Variants in PYHIN1 observed in about 807,000 individuals in gnomAD.
The protein encoded by PYHIN1 is pyrin and HIN domain family member 1, also known as pyrin and HIN domain-containing protein 1.
PYHIN1 carries 32 observed loss-of-function variants against 43.7 expected under a neutral mutation model. That is an observed-to-expected ratio of 0.73 (90% CI 0.55 to 0.98). The LOEUF (loss-of-function observed/expected upper bound fraction) is 0.98, where lower values mean the gene tolerates loss of function less well. PYHIN1 is among the 50% of genes least tolerant of loss of function. The pLI, the probability that PYHIN1 is intolerant of heterozygous loss-of-function variation, is 0.00. For synonymous variants in PYHIN1, 205 were observed against 203.1 expected, an observed-to-expected ratio of 1.01 and a Z score of -0.08; for missense variants, 588 against 589.5, an observed-to-expected ratio of 1.00 and a Z score of 0.03.
chr1:158,931,853 G>A (rs943574733), intron 1 of PYHIN1, 77 bp downstream of exon 1: 2 of 152,142 alleles, frequency 1.3e-5, no homozygotes, highest in Non-Finnish European at 2.9e-5. Flanking sequence ...GGGAAAAATC[G>A]ATATTGGTTC....
intron 7 of PYHIN1, among the ~76,000 whole-genome samples, chr1:158,950,279 C>A (rs976633650): frequency 6.6e-6 from 1 of 152,188 alleles, no homozygotes; most frequent in Non-Finnish European, 1.5e-5. Flanking sequence ...AGCAAATTAT[C>A]TGGAGTGAAT....
chr1:158,986,570 G>C, the PYHIN1 span, among the ~76,000 whole-genome samples: 7 of 152,322 alleles, frequency 4.6e-5, no homozygotes, highest in African/African-American at 1.4e-4. Context: ...TTGTGGGTCA[G>C]TGCTGCCAAG....
At chr1:158,977,338 A>C (rs567273857), downstream of PYHIN1, among the ~76,000 whole-genome samples, 1 of 152,206 alleles carries the variant, frequency 6.6e-6, no homozygotes, top group South Asian at 2.1e-4. Context: ...GGACTCCTGG[A>C]GGGGGAATAA....
downstream of PYHIN1, among the ~76,000 whole-genome samples, chr1:158,978,011 G>T (rs950290723): frequency 6.6e-6 from 1 of 152,138 alleles, no homozygotes; most frequent in Non-Finnish European, 1.5e-5. Context: ...ACTCATCAGA[G>T]AACTGTGGTG....
intron 8 of PYHIN1, among the ~76,000 whole-genome samples, chr1:158,974,703 T>C (rs1339593994): frequency 6.6e-6 from 1 of 151,852 alleles, no homozygotes; most frequent in Non-Finnish European, 1.5e-5. Flanking sequence ...CGTTTTTTGG[T>C]TTGTTTATGT....
chr1:158,968,132 G>A (rs1433316998), intron 7 of PYHIN1, among the ~76,000 whole-genome samples: 2 of 151,052 alleles, frequency 1.3e-5, no homozygotes, highest in African/African-American at 4.9e-5. Context: ...CACAGCAAAA[G>A]AAATTACCAA....
In PYHIN1 at chr1:158,938,542, G is replaced by A. The variant is rs1227673232; in HGVS notation, c.411G>A (p.Gln137=). The A allele has an allele frequency of 6.2e-7, 1 of 1,613,860 alleles. No homozygotes were observed. The highest frequency in any genetic ancestry group is 8.5e-7 in the Non-Finnish European group (1 of 1,179,882). Residue 137 remains glutamine (Q), a splice_region_variant and synonymous_variant, in exon 3 of 9, where the codon CAG becomes CAA. Coordinates refer to ENST00000368140, the MANE Select transcript of PYHIN1 (RefSeq NM_152501.5). ...GAGCAGAGGAGACTCTTGGACCTCA[G>A]GTAAGCTTCAGGAAGAGGAGCAGGC... ...AKGAEETLGP[Q]KRKKPSEEET... is the part of the protein sequence containing the mutation.
chr1:158,938,932 T>C (rs1648727429), intron 3 of PYHIN1, 148 bp from the exon 4 acceptor site: 4 of 536,224 alleles, frequency 7.5e-6, no homozygotes, highest in Non-Finnish European at 1.2e-5. Flanking sequence ...AAACCATCTA[T>C]GCCATGTTCT....
chr1:158,932,940 CAGTGTA>C (rs1648253894), intron 1 of PYHIN1, among the ~76,000 whole-genome samples: 1 of 152,058 alleles, frequency 6.6e-6, no homozygotes, highest in African/African-American at 2.4e-5. Context: ...TGCAATATCT[CAGTGTA>C]CTTGACTAGA....
rs142851890 is a variant in PYHIN1 at position 158,942,264 on chromosome 1, A to G, written c.867A>G (p.Val289=). The part of the protein sequence containing the change: ...SLLEVNEASS[V]SEAGPDQTFE... ...TAGAGGTGAATGAAGCCTCTTCTGT[A>G]TCTGAAGCTGGTCCTGACCAAACGT... The change falls in exon 5 of 9, where the codon GTA becomes GTG. Residue 289 remains valine, a synonymous_variant. Coordinates refer to ENST00000368140, the MANE Select transcript of PYHIN1 (RefSeq NM_152501.5). 6.2e-7 allele frequency: 1 copy of G among 1,614,132 alleles called. No homozygotes were observed. The highest frequency in any genetic ancestry group is 1.3e-5 in the African/African-American group (1 of 75,070).
chr1:158,948,300 G>A (rs1435230225), intron 7 of PYHIN1, among the ~76,000 whole-genome samples: 1 of 152,190 alleles, frequency 6.6e-6, no homozygotes, highest in South Asian at 2.1e-4. Context: ...TGTTTGTTGG[G>A]TGTGTGGATC....
chr1:158,935,320 G>A (rs916724237), intron 1 of PYHIN1, among the ~76,000 whole-genome samples: 6 of 150,228 alleles, frequency 4.0e-5, no homozygotes, highest in African/African-American at 9.8e-5. Context: ...AAAGAATGCA[G>A]ATTATTCAAA....
At chr1:158,951,492 A>T (rs72704930) in intron 7 of PYHIN1, among the ~76,000 whole-genome samples, 11,272 of 152,118 alleles carry the variant, frequency 0.074, 732 homozygotes, top group Admixed American at 0.22. Context: ...GTTTCCAAGG[A>T]CAATATCAGA....
chr1:158,970,318 A>G (rs1307554508), intron 7 of PYHIN1, among the ~76,000 whole-genome samples: 1 of 152,022 alleles, frequency 6.6e-6, no homozygotes, highest in African/African-American at 2.4e-5. Context: ...AGGGGGTACA[A>G]GTGCAGATTT....
intron 7 of PYHIN1, among the ~76,000 whole-genome samples, chr1:158,966,211 T>C (rs1167021586): frequency 1.3e-5 from 2 of 151,920 alleles, no homozygotes; most frequent in East Asian, 3.9e-4. Flanking sequence ...CAATAACAAG[T>C]TCTGAAATTG....
At chr1:158,978,377 G>GA (rs1193544449), downstream of PYHIN1, among the ~76,000 whole-genome samples, 1 of 151,942 alleles carries the variant, frequency 6.6e-6, no homozygotes, top group Non-Finnish European at 1.5e-5. Context: ...CATGTGCAGT[G>GA]AAAAAACTGA....
chr1:158,945,902 A>G (rs1167057429), intron 7 of PYHIN1, among the ~76,000 whole-genome samples: 1 of 152,190 alleles, frequency 6.6e-6, no homozygotes, highest in Non-Finnish European at 1.5e-5. Flanking sequence ...TTCTGTCCCA[A>G]TTGACATAGA....
rs1041353519 is a variant in PYHIN1 at position 158,933,478 on chromosome 1, T to C, written c.-21+1702T>C. On this transcript the variant is annotated intron_variant, in intron 1 of 8. Transcript: ENST00000368140. The surrounding 1 kb of genome is among the most constrained non-coding windows in gnomAD (Gnocchi z 6.3). The stretch of plus-strand genomic sequence containing the variant: ...ATGATTCTAGCATAGATAAGCTGGC[T>C]TTCTTCTAGTTTCTCCTTGCATGAT... Among the ~76,000 whole-genome samples the C allele has an allele frequency of 6.6e-6, 1 of 152,006 alleles. No individual in the cohort carries two copies. The highest frequency in any genetic ancestry group is 2.1e-4 in the South Asian group (1 of 4,836).
intron 7 of PYHIN1, among the ~76,000 whole-genome samples, chr1:158,961,896 T>C (rs1650341264): frequency 6.6e-6 from 1 of 152,096 alleles, no homozygotes; most frequent in Non-Finnish European, 1.5e-5. Context: ...AGGAGCTGAA[T>C]CCAGGGGACT....
Sources: allele counts gnomAD v4.1 joint callset (sites outside exome capture counted in the v4.1 genomes callset), GRCh38; gene constraint gnomAD v4.1.1; non-coding constraint Gnocchi (gnomAD v3.1); transcripts MANE v1.5; gene names NCBI Gene and HGNC (gene_info 2026-07-23, HGNC 2026-07-21).